The following FTO variants were observed in gnomAD, a reference collection of about 807,000 sequenced individuals.
The protein encoded by FTO is alpha-ketoglutarate-dependent dioxygenase FTO.
FTO carries 47 observed loss-of-function variants against 63.9 expected under a neutral mutation model. That is an observed-to-expected ratio of 0.74 (90% CI 0.58 to 0.94). The LOEUF (loss-of-function observed/expected upper bound fraction) is 0.94. Ranked by LOEUF, FTO falls within the 40% of genes least tolerant of loss-of-function variation. The probability of loss-of-function intolerance (pLI) is 0.00; values close to 1 mark genes in which losing one functional copy is unlikely to be tolerated. For synonymous variants in FTO, 207 were observed against 224.4 expected (o/e 0.92, Z 0.69); for missense variants, 562 against 618.1 (o/e 0.91, Z 0.96).
At chr16:53,853,352 C>T (rs2079871741) in intron 4 of FTO, among the ~76,000 whole-genome samples, 1 of 152,078 alleles carries the variant, frequency 6.6e-6, no homozygotes, top group Non-Finnish European at 1.5e-5. Context: ...GGGATATAAG[C>T]AGTTTTTGGT....
At position 53,860,993 on chromosome 16, in the gene FTO, C is replaced by T. The variant is rs78367534; in HGVS notation, c.896-12793C>T. Among the ~76,000 whole-genome samples the T allele has an allele frequency of 0.025, 3,786 of 151,666 alleles. 312 individuals carry two copies. The East Asian group carries it at 0.3, about 12-fold the overall frequency. On this transcript the variant is annotated intron_variant, in intron 4 of 8. Transcript: ENST00000471389. ...TTCACAATGTATATGTATATTAAAA[C>T]GTTACATTTTACATTGTAGATATAT... is the stretch of plus-strand genomic sequence containing the variant.
chr16:53,723,986 C>G (rs1318013773), intron 1 of FTO, among the ~76,000 whole-genome samples: 8 of 152,182 alleles, frequency 5.3e-5, no homozygotes, highest in Admixed American at 3.9e-4. Context: ...ATCATACATT[C>G]AGATGAAAGA....
Position 53,837,387 on chromosome 16 carries a change from A to G in FTO, c.752-6768A>G, listed in dbSNP as rs535567293. 5.9e-5 allele frequency among the ~76,000 whole-genome samples: 9 copies of G among 152,352 alleles called. 1 individual carries two copies. The South Asian group carries it at 1.9e-3, about 32-fold the overall frequency. On this transcript the variant is annotated intron_variant, in intron 3 of 8. Coordinates refer to ENST00000471389, the MANE Select transcript of FTO (RefSeq NM_001080432.3). ...TCAATATTTCACCTGAAATCCTAGA[A>G]AACTTATAATTAATTTTACAATTTA...
At chr16:53,810,070 G>A (rs1567315430) in intron 1 of FTO, 70 bp from the exon 2 acceptor site, 1 of 1,042,888 alleles carries the variant, frequency 9.6e-7, no homozygotes, top group Non-Finnish European at 1.5e-6. Flanking sequence ...TCTCTTATTG[G>A]AAAAATAAGA....
intron 8 of FTO, among the ~76,000 whole-genome samples, chr16:53,952,312 C>G (rs1394375834): frequency 1.3e-5 from 2 of 152,142 alleles, no homozygotes; most frequent in Non-Finnish European, 2.9e-5. Context: ...TATTCTCTCT[C>G]TGTTCTCTAA....
intron 1 of FTO, among the ~76,000 whole-genome samples, chr16:53,719,602 T>G (rs1381769690): frequency 1.3e-5 from 2 of 151,596 alleles, no homozygotes; most frequent in Non-Finnish European, 2.9e-5. Context: ...TGTCTTCTCT[T>G]TAAAAATTGA....
At chr16:53,916,297 A>G (rs1007979837) in intron 7 of FTO, among the ~76,000 whole-genome samples, 3 of 152,214 alleles carry the variant, frequency 2.0e-5, no homozygotes, top group East Asian at 1.9e-4. Context: ...ATTACTGCTT[A>G]TGATGAAGGG....
intron 8 of FTO, among the ~76,000 whole-genome samples, chr16:53,968,835 A>C (rs1487567911): frequency 1.3e-5 from 2 of 152,136 alleles, no homozygotes; most frequent in African/African-American, 4.8e-5. Flanking sequence ...CATAAGGAGG[A>C]TATTTGAAAG....
intron 8 of FTO, among the ~76,000 whole-genome samples, chr16:54,029,277 G>T (rs1273709628): frequency 6.6e-6 from 1 of 152,194 alleles, no homozygotes; most frequent in Non-Finnish European, 1.5e-5. Context: ...TAGCTTGGAT[G>T]ATTTAGACAA....
At position 54,117,084 on chromosome 16, in the gene FTO, A is replaced by C. The variant is rs2086979281; in HGVS notation, c.*5169A>C. The C allele has an allele frequency of 6.6e-6, 1 of 152,114 alleles. No homozygotes were observed. Among genetic ancestry groups the C allele is most frequent in the African/African-American group, 2.4e-5 (1 of 41,422 alleles). 9.4% of individuals were successfully genotyped at this position (152,114 alleles called of 1,614,324 possible). On this transcript the variant is annotated 3_prime_UTR_variant, in exon 9 of 9. Coordinates refer to ENST00000471389, the MANE Select transcript of FTO (RefSeq NM_001080432.3). ...CGCTGTCATTCATCAGATTTTCCAA[A>C]TCTTTGGATTCCTGAGTGGCAGAAG...
In FTO at chr16:54,094,031, GGT is replaced by G. The variant is rs1235722331; in HGVS notation, c.1365-17729_1365-17728del. Among the ~76,000 whole-genome samples, 4 of 152,224 alleles carry G rather than the reference GGT, an allele frequency of 2.6e-5. No individual in the cohort carries two copies. The East Asian group carries it at 7.8e-4, about 30-fold the overall frequency. On this transcript the variant is annotated intron_variant, in intron 8 of 8. Coordinates refer to ENST00000471389, the MANE Select transcript of FTO (RefSeq NM_001080432.3). ...CAAGGTCACCCCACAAGCAAACATT[GGT>G]GCTGGGAGAATGAGATCACCCCCAG...
intron 8 of FTO, among the ~76,000 whole-genome samples, chr16:53,953,252 AC>A (rs2082841868): frequency 6.6e-6 from 1 of 152,150 alleles, no homozygotes; most frequent in East Asian, 1.9e-4. Flanking sequence ...AGGATCTGCA[AC>A]CTCCTTCTCC....
intron 8 of FTO, among the ~76,000 whole-genome samples, chr16:54,020,735 G>C: frequency 6.6e-6 from 1 of 152,210 alleles, no homozygotes; most frequent in Non-Finnish European, 1.5e-5. Context: ...ACTTTGAAAG[G>C]CTGAGGCAGG....
intron 7 of FTO, among the ~76,000 whole-genome samples, chr16:53,914,509 G>T (rs2081808598): frequency 6.6e-6 from 1 of 152,048 alleles, no homozygotes; most frequent in Non-Finnish European, 1.5e-5. Flanking sequence ...CCTGCCTCCT[G>T]TCAAGTCCCT....
At chr16:53,821,821 C>T (rs2078871916) in intron 2 of FTO, among the ~76,000 whole-genome samples, 1 of 152,214 alleles carries the variant, frequency 6.6e-6, no homozygotes, top group East Asian at 1.9e-4. Flanking sequence ...GCTATAGTAA[C>T]TGATAACTCT....
chr16:53,750,217 TTTTTTCTTTTTC>T (rs369455052), intron 1 of FTO, among the ~76,000 whole-genome samples: 1 of 152,116 alleles, frequency 6.6e-6, no homozygotes, highest in African/African-American at 2.4e-5. Flanking sequence ...TAAGAATGGC[TTTTTTCTTTTTC>T]TTTTTCTTTT....
At chr16:54,038,017 T>C (rs561134521) in intron 8 of FTO, among the ~76,000 whole-genome samples, 1 of 152,350 alleles carries the variant, frequency 6.6e-6, no homozygotes, top group South Asian at 2.1e-4. Flanking sequence ...CTAATGTTCT[T>C]GTGCAGGAAG....
chr16:53,769,688 C>T (rs1377340553), intron 1 of FTO, among the ~76,000 whole-genome samples: 1 of 151,920 alleles, frequency 6.6e-6, no homozygotes, highest in African/African-American at 2.4e-5. Flanking sequence ...CTGCAACGTA[C>T]CCTAACTTGA....
At chr16:53,874,026 T>C (rs1392423832) in intron 5 of FTO, among the ~76,000 whole-genome samples, 161 bp downstream of exon 5, 2 of 152,236 alleles carry the variant, frequency 1.3e-5, no homozygotes, top group Admixed American at 1.3e-4. Context: ...CTTTGGATTG[T>C]GTTGGATACA....
Sources: allele counts gnomAD v4.1 joint callset (sites outside exome capture counted in the v4.1 genomes callset), GRCh38; gene constraint gnomAD v4.1.1; transcripts MANE v1.5; gene names NCBI Gene and HGNC (gene_info 2026-07-23, HGNC 2026-07-21).